The following LRBA variants were observed in gnomAD, a reference collection of about 807,000 sequenced individuals.
The protein encoded by LRBA is LPS responsive beige-like anchor protein, also known as lipopolysaccharide-responsive and beige-like anchor protein.
LRBA carries 176 observed loss-of-function variants against 330.0 expected under a neutral mutation model. The ratio of observed to expected loss-of-function variants is 0.53; its 90% CI spans 0.47 to 0.60. The LOEUF (loss-of-function observed/expected upper bound fraction) is 0.60, where lower values mean the gene tolerates loss of function less well. Ranked by LOEUF, LRBA falls within the 20% of genes least tolerant of loss-of-function variation. The pLI is 0.00. For synonymous variants in LRBA, 1,230 were observed against 1,193.0 expected (o/e 1.03, Z -0.64); for missense variants, 3,259 against 3,444.8 (o/e 0.95, Z 1.35).
chr4:150,418,098 C>G (rs1748052849), intron 46 of LRBA, among the ~76,000 whole-genome samples: 2 of 150,552 alleles, frequency 1.3e-5, no homozygotes, highest in Admixed American at 1.3e-4. Context: ...AATCATAGTT[C>G]ACCGTAACCT....
chr4:150,666,786 T>C (rs1781601037), intron 37 of LRBA, among the ~76,000 whole-genome samples: 1 of 152,204 alleles, frequency 6.6e-6, no homozygotes, highest in African/African-American at 2.4e-5. Flanking sequence ...TGTATGTCAA[T>C]TGTACCACAA....
chr4:150,952,767 T>C, intron 2 of LRBA, among the ~76,000 whole-genome samples: 1 of 152,176 alleles, frequency 6.6e-6, no homozygotes, highest in East Asian at 1.9e-4. Context: ...TGTGCTTTAC[T>C]CTCTGAGTAT....
intron 47 of LRBA, among the ~76,000 whole-genome samples, chr4:150,402,244 T>A (rs1910721): frequency 0.87 from 129,946 of 149,322 alleles, 57,411 homozygotes; most frequent in Non-Finnish European, 0.96. Context: ...GATCAGGCAC[T>A]TTCAGGGTGG....
chr4:150,838,207 T>C (rs1560893493), intron 28 of LRBA, among the ~76,000 whole-genome samples: 1 of 152,238 alleles, frequency 6.6e-6, no homozygotes, highest in Non-Finnish European at 1.5e-5. Flanking sequence ...GATCTTTCTC[T>C]CTGGCTGCCC....
At position 150,870,123 on chromosome 4, in the gene LRBA, C is replaced by T. The variant is rs547966666; in HGVS notation, c.2449+402G>A. Among the ~76,000 whole-genome samples the T allele has an allele frequency of 6.6e-5, 10 of 152,286 alleles. No homozygotes were observed. The East Asian group carries it at 1.9e-3, about 29-fold the overall frequency. ...CAAAAGAAAAGACTGTTTAACAAGA[C>T]TATCTTCATAAACAATAAAGAAGAC... On this transcript the variant is annotated intron_variant, in intron 20 of 56. Coordinates refer to ENST00000651943, the MANE Select transcript of LRBA (RefSeq NM_001364905.1).
intron 9 of LRBA, 53 bp downstream of exon 9, chr4:150,914,142 T>C: frequency 3.4e-6 from 5 of 1,466,422 alleles, no homozygotes; most frequent in Admixed American, 2.0e-5. Context: ...ATAACCCACC[T>C]TCAAATCAAG....
At chr4:150,386,828 G>A (rs753643021) in intron 47 of LRBA, among the ~76,000 whole-genome samples, 2 of 152,156 alleles carry the variant, frequency 1.3e-5, no homozygotes, top group Non-Finnish European at 2.9e-5. Flanking sequence ...CTAGGTCTTT[G>A]AGGAATAACC....
intron 34 of LRBA, among the ~76,000 whole-genome samples, chr4:150,788,935 A>C (rs1254206864): frequency 2.0e-5 from 3 of 150,350 alleles, no homozygotes; most frequent in Non-Finnish European, 4.4e-5. Flanking sequence ...TGTGCCAGAC[A>C]TGGTGGCGTG....
Position 150,267,569 on chromosome 4 carries a change from A to G in LRBA, c.8469-1757T>C, listed in dbSNP as rs182520607. Among the ~76,000 whole-genome samples, 397 of 152,328 alleles carry G rather than the reference A, an allele frequency of 2.6e-3. 3 individuals carry two copies. Among genetic ancestry groups the G allele is most frequent in the African/African-American group, 9.0e-3 (374 of 41,578 alleles). On this transcript the variant is annotated intron_variant, in intron 56 of 56. Transcript: ENST00000651943. ...TAGCTGTAAACACATAGATTTAAAA[A>G]TATCTCAAATCAATAACCTAACTTT...
chr4:150,592,366 TA>T (rs1772991399), intron 38 of LRBA, among the ~76,000 whole-genome samples: 1 of 151,614 alleles, frequency 6.6e-6, no homozygotes, highest in Non-Finnish European at 1.5e-5. Flanking sequence ...ATGTTAAAGG[TA>T]AAAGGTTTTT....
intron 40 of LRBA, among the ~76,000 whole-genome samples, chr4:150,575,004 T>C (rs1770360216): frequency 6.6e-6 from 1 of 151,988 alleles, no homozygotes; most frequent in Non-Finnish European, 1.5e-5. Context: ...CTAACCTCGA[T>C]TTTAAACCTA....
chr4:150,322,889 G>A (rs1732709949), intron 49 of LRBA, among the ~76,000 whole-genome samples: 1 of 152,058 alleles, frequency 6.6e-6, no homozygotes. Flanking sequence ...CAGACAAATA[G>A]GCAGCCTTCG....
intron 13 of LRBA, among the ~76,000 whole-genome samples, chr4:150,901,850 G>A (rs758362135): frequency 1.3e-5 from 2 of 152,086 alleles, no homozygotes; most frequent in Admixed American, 1.3e-4. Flanking sequence ...TGTTCAAATT[G>A]ATAGGCCCAA....
chr4:150,828,056 G>T, intron 30 of LRBA, 124 bp downstream of exon 30: 1 of 743,756 alleles, frequency 1.3e-6, no homozygotes, highest in Non-Finnish European at 2.2e-6. Context: ...TGGTAGTTAA[G>T]TTCTGAGGGA....
chr4:150,551,116 G>C (rs532730830), intron 40 of LRBA, among the ~76,000 whole-genome samples: 4 of 152,212 alleles, frequency 2.6e-5, no homozygotes, highest in African/African-American at 9.6e-5. Context: ...AAAGAATGGA[G>C]CTTAGACCCC....
At chr4:151,007,245 T>C (rs929452360) in intron 2 of LRBA, among the ~76,000 whole-genome samples, 2 of 152,200 alleles carry the variant, frequency 1.3e-5, no homozygotes, top group African/African-American at 4.8e-5. Context: ...CTCACGCCTG[T>C]AATCCCAGCA....
chr4:150,571,654 T>G (rs1007886484), intron 40 of LRBA, among the ~76,000 whole-genome samples: 3,289 of 141,676 alleles, frequency 0.023, 92 homozygotes, highest in African/African-American at 0.083. Context: ...TAGTTGTTTT[T>G]TTTTTTTTTT....
At chr4:150,479,178 C>T (rs1757032098) in intron 42 of LRBA, among the ~76,000 whole-genome samples, 1 of 151,942 alleles carries the variant, frequency 6.6e-6, no homozygotes, top group East Asian at 1.9e-4. Flanking sequence ...TACCGGGAAG[C>T]TGAGGTGAGT....
chr4:150,777,064 GTTTTGTTGTTGTTGTTGT>G (rs1436493627), intron 34 of LRBA, among the ~76,000 whole-genome samples: 6 of 100,962 alleles, frequency 5.9e-5, no homozygotes, highest in African/African-American at 1.7e-4. Flanking sequence ...TTTTTGAGGG[GTTTTGTTGTTGTTGTTGT>G]TGTTGTTGTT....
Sources: gnomAD v4.1 joint callset for allele counts (sites outside exome capture counted in the v4.1 genomes callset) on GRCh38, gnomAD v4.1.1 for gene constraint, MANE v1.5 for transcripts, NCBI Gene and HGNC (gene_info 2026-07-23, HGNC 2026-07-21) for gene names.